RBFOX1: variants seen among roughly 807,000 people sequenced by gnomAD.
RBFOX1 encodes RNA binding fox-1 homolog 1.
Under a neutral mutation model 57.7 loss-of-function variants are expected in RBFOX1, and 8 were observed. That is an observed-to-expected ratio of 0.14 (90% CI 0.08 to 0.25). The LOEUF is 0.25. Ranked by LOEUF, RBFOX1 falls within the 10% of genes least tolerant of loss-of-function variation. The pLI, the probability that RBFOX1 is intolerant of heterozygous loss-of-function variation, is 1.00. For synonymous variants in RBFOX1, 326 were observed against 222.4 expected (o/e 1.47, Z -4.15); for missense variants, 611 against 548.5 (o/e 1.11, Z -1.14).
At chr16:7,586,839 T>C (rs2094151669) in intron 6 of RBFOX1, among the ~76,000 whole-genome samples, 1 of 152,182 alleles carries the variant, frequency 6.6e-6, no homozygotes, top group Non-Finnish European at 1.5e-5. Flanking sequence ...CCCAGTCACA[T>C]CACATTCTCA....
chr16:5,861,282 C>T (rs952894345), intron 3 of RBFOX1, among the ~76,000 whole-genome samples: 15 of 152,150 alleles, frequency 9.9e-5, no homozygotes, highest in African/African-American at 1.2e-4. Flanking sequence ...ATGCTTACAC[C>T]CCCGTGCCAC....
At chr16:6,872,674 G>A (rs534219929) in intron 3 of RBFOX1, among the ~76,000 whole-genome samples, 2 of 152,298 alleles carry the variant, frequency 1.3e-5, no homozygotes, top group African/African-American at 4.8e-5. Context: ...CACTGTCACT[G>A]CTAGCAAAAT....
intron 1 of RBFOX1, among the ~76,000 whole-genome samples, chr16:5,432,025 C>T (rs1480752923): frequency 3.9e-5 from 6 of 152,076 alleles, no homozygotes; most frequent in Non-Finnish European, 8.8e-5. Context: ...TAAATTGTGG[C>T]CACAGTTGGT....
chr16:6,745,857 C>G (rs760227451), intron 3 of RBFOX1, among the ~76,000 whole-genome samples: 3 of 152,200 alleles, frequency 2.0e-5, no homozygotes, highest in Admixed American at 2.0e-4. Flanking sequence ...TCATAGGCAG[C>G]GTGATCATCT....
chr16:6,175,616 C>G (rs1170182690), intron 1 of RBFOX1, among the ~76,000 whole-genome samples: 1 of 152,082 alleles, frequency 6.6e-6, no homozygotes, highest in Non-Finnish European at 1.5e-5. Context: ...CAAGGGCACG[C>G]TGTAGGATAG....
At chr16:6,122,585 A>T (rs2096559018) in intron 1 of RBFOX1, among the ~76,000 whole-genome samples, 1 of 152,232 alleles carries the variant, frequency 6.6e-6, no homozygotes, top group East Asian at 1.9e-4. Context: ...TATTGTGCTG[A>T]CTAGGCCTTC....
At chr16:6,304,699 A>G (rs1358441664) in intron 1 of RBFOX1, among the ~76,000 whole-genome samples, 2 of 151,994 alleles carry the variant, frequency 1.3e-5, no homozygotes, top group Non-Finnish European at 2.9e-5. Flanking sequence ...CCTGGCCAAC[A>G]TGGTGAAACC....
chr16:6,270,063 TA>T (rs35061198), intron 1 of RBFOX1, among the ~76,000 whole-genome samples: 1 of 151,964 alleles, frequency 6.6e-6, no homozygotes, highest in South Asian at 2.1e-4. Flanking sequence ...AGATAACTGC[TA>T]AAAAAATCTG....
rs879283195 is a variant in RBFOX1 at position 7,073,312 on chromosome 16, C to T, written c.27+21214C>T. On this transcript the variant is annotated intron_variant, in intron 4 of 15. Coordinates refer to ENST00000550418, the MANE Select transcript of RBFOX1 (RefSeq NM_018723.4). Reference sequence around the variant, plus strand: ...CTCTTTTCAGAAAATGTCAGCCAATCCCTTCCCTATATGAAGGGGCATGGC... The same window carrying T: ...CTCTTTTCAGAAAATGTCAGCCAATTCCTTCCCTATATGAAGGGGCATGGC... Among the ~76,000 whole-genome samples, 5 of 152,164 alleles carry T rather than the reference C, an allele frequency of 3.3e-5. No homozygotes were observed. The South Asian group carries it at 6.2e-4, about 19-fold the overall frequency.
At chr16:5,422,500 A>AGGAAAGGAGGAG (rs1345805048) in intron 1 of RBFOX1, among the ~76,000 whole-genome samples, 24 of 87,376 alleles carry the variant, frequency 2.7e-4, no homozygotes, top group African/African-American at 8.4e-4. Flanking sequence ...GGAGGAGGTG[A>AGGAAAGGAGGAG]GTAAAGGAGG....
intron 3 of RBFOX1, among the ~76,000 whole-genome samples, chr16:6,683,118 A>G (rs2058918371): frequency 6.6e-6 from 1 of 152,206 alleles, no homozygotes; most frequent in Non-Finnish European, 1.5e-5. Context: ...TATTTATTTA[A>G]TGATGAAAGA....
chr16:7,003,977 A>G (rs1160826224), intron 3 of RBFOX1: 1 of 147,824 alleles, frequency 6.8e-6, no homozygotes, highest in Non-Finnish European at 1.5e-5. Context: ...TTCCCAGGGT[A>G]GAAATGAGGG....
chr16:5,707,738 C>G (rs1000977911), intron 3 of RBFOX1, among the ~76,000 whole-genome samples: 1 of 152,112 alleles, frequency 6.6e-6, no homozygotes, highest in Non-Finnish European at 1.5e-5. Context: ...ATACTAATAC[C>G]TTATTGGGTT....
intron 1 of RBFOX1, among the ~76,000 whole-genome samples, chr16:6,074,226 G>A (rs1392574489): frequency 1.3e-5 from 2 of 152,176 alleles, no homozygotes; most frequent in African/African-American, 4.8e-5. Flanking sequence ...GGGATTACAG[G>A]CATGAGCCAC....
At chr16:7,512,422 C>T (rs2075335054) in intron 4 of RBFOX1, among the ~76,000 whole-genome samples, 1 of 152,202 alleles carries the variant, frequency 6.6e-6, no homozygotes, top group Non-Finnish European at 1.5e-5. Context: ...ATAGGAAGTA[C>T]AATGGTCTTA....
At chr16:6,680,842 A>G (rs1449394743) in intron 3 of RBFOX1, among the ~76,000 whole-genome samples, 1 of 152,248 alleles carries the variant, frequency 6.6e-6, no homozygotes, top group African/African-American at 2.4e-5. Flanking sequence ...TGGTTAAAAC[A>G]TGAATGAAGT....
chr16:6,384,421 A>G (rs1038473701), intron 2 of RBFOX1, among the ~76,000 whole-genome samples: 1 of 152,162 alleles, frequency 6.6e-6, no homozygotes, highest in African/African-American at 2.4e-5. Context: ...GCACCCAGCA[A>G]TGGCATCCCT....
intron 1 of RBFOX1, among the ~76,000 whole-genome samples, chr16:6,160,372 C>G (rs564715097): frequency 6.2e-4 from 94 of 152,270 alleles, no homozygotes; most frequent in African/African-American, 2.2e-3. Flanking sequence ...TATCATCTCA[C>G]AAACTTTTTT....
chr16:6,824,325 G>T (rs1011315429), intron 3 of RBFOX1, among the ~76,000 whole-genome samples: 1 of 152,178 alleles, frequency 6.6e-6, no homozygotes, highest in Non-Finnish European at 1.5e-5. Context: ...AGAGTCACTT[G>T]AACCAGAGAG....
Sources: allele counts gnomAD v4.1 joint callset (sites outside exome capture counted in the v4.1 genomes callset), GRCh38; gene constraint gnomAD v4.1.1; transcripts MANE v1.5; gene names NCBI Gene and HGNC (gene_info 2026-07-23, HGNC 2026-07-21).